UBR7: variants seen among roughly 807,000 people sequenced by gnomAD.
UBR7 encodes putative E3 ubiquitin-protein ligase UBR7.
A neutral mutation model predicts 57.0 loss-of-function variants in UBR7; 22 were observed. The ratio of observed to expected loss-of-function variants is 0.39; its 90% CI spans 0.28 to 0.55. The LOEUF is 0.55. Ranked by LOEUF, UBR7 falls within the 20% of genes least tolerant of loss-of-function variation. The probability of loss-of-function intolerance (pLI) is 0.69; values close to 1 mark genes in which losing one functional copy is unlikely to be tolerated. For missense variants in UBR7, 395 were observed against 513.2 expected (o/e 0.77, Z 2.23); for synonymous variants, 167 against 179.8 (o/e 0.93, Z 0.57).
At position 93,210,688 on chromosome 14, in the gene UBR7, T is replaced by C; in HGVS notation, c.325T>C (p.Leu109=). ...CDCGNSKFKN[L]ECKLLPDKAK... is the part of the protein sequence containing the mutation. ...TTGTGGAAACAGCAAGTTTAAAAAT[T>C]TGGAATGCAAATTACTTCCTGTAAG... The change falls in exon 3 of 11, where the codon TTG becomes CTG. Residue 109 remains leucine (L), a synonymous_variant. Transcript: ENST00000013070. 1 of 1,609,970 alleles carries C rather than the reference T, an allele frequency of 6.2e-7. No homozygotes were observed. Among genetic ancestry groups the C allele is most frequent in the South Asian group, 1.1e-5 (1 of 90,410 alleles).
At chr14:93,213,887 GTC>G (rs1432176540) in intron 4 of UBR7, among the ~76,000 whole-genome samples, 2 of 152,020 alleles carry the variant, frequency 1.3e-5, no homozygotes, top group Non-Finnish European at 2.9e-5. Context: ...CAGATTGAAA[GTC>G]TCTTTGAGTT....
Position 93,215,284 on chromosome 14 carries a change from A to G in UBR7, c.601+3A>G. The G allele has an allele frequency of 1.3e-6, 2 of 1,568,498 alleles. No individual in the cohort carries two copies. The highest frequency in any genetic ancestry group is 1.7e-6 in the Non-Finnish European group (2 of 1,155,216). On this transcript the variant is annotated splice_donor_region_variant and intron_variant, in intron 6 of 10. Coordinates refer to ENST00000013070, the MANE Select transcript of UBR7 (RefSeq NM_175748.4). ...GGCTTATGCTGCACAATTGGCAGGT[A>G]GGTATCTTTGTGAAGTTGGTGTGCC...
intron 1 of UBR7, among the ~76,000 whole-genome samples, chr14:93,208,465 TAAAAA>T (rs202105336): frequency 7.1e-6 from 1 of 141,290 alleles, no homozygotes; most frequent in Non-Finnish European, 1.6e-5. Context: ...CTGCTTTACT[TAAAAA>T]AAAAAAAAAG....
intron 9 of UBR7, among the ~76,000 whole-genome samples, chr14:93,221,899 C>T (rs1023824551): frequency 7.1e-4 from 108 of 151,962 alleles, no homozygotes; most frequent in African/African-American, 2.6e-3. Context: ...TGCAGTGAGC[C>T]GAGATCGTGC....
Position 93,222,391 on chromosome 14 carries a change from A to G in UBR7, c.1185+17A>G, listed in dbSNP as rs1847696366. 3 of 1,553,544 alleles carry G rather than the reference A, an allele frequency of 1.9e-6. No individual in the cohort carries two copies. In the South Asian group the frequency reaches 3.3e-5, roughly 17 times the overall value. Reference sequence around the variant, plus strand: ...GAAGGCACGGTATGTTGAGTTAAAGAATTCTAATCATAGCCCTGTAAGTTT... The same window carrying G: ...GAAGGCACGGTATGTTGAGTTAAAGGATTCTAATCATAGCCCTGTAAGTTT... On this transcript the variant is annotated intron_variant, in intron 10 of 10. Transcript: ENST00000013070.
At chr14:93,224,088 G>T in intron 10 of UBR7, 1 of 1,010,440 alleles carries the variant, frequency 9.9e-7, no homozygotes, top group Non-Finnish European at 1.5e-6. Context: ...TTGGGGGTGG[G>T]CAGGCAGTGA....
chr14:93,219,540 G>A (rs1218815922), intron 8 of UBR7, among the ~76,000 whole-genome samples, 179 bp downstream of exon 8: 8 of 152,150 alleles, frequency 5.3e-5, no homozygotes, highest in African/African-American at 1.4e-4. Context: ...TTTACATTAA[G>A]CAAATTTATG....
At chr14:93,208,142 TGTG>T (rs903494695) in intron 1 of UBR7, among the ~76,000 whole-genome samples, 6 of 152,128 alleles carry the variant, frequency 3.9e-5, no homozygotes, top group Non-Finnish European at 4.4e-5. Flanking sequence ...GGGGGTGTGA[TGTG>T]GTGTTTAGTG....
chr14:93,220,221 T>C (rs1298923655), intron 8 of UBR7, 28 bp from the exon 9 acceptor site: 3 of 1,537,412 alleles, frequency 2.0e-6, no homozygotes, highest in East Asian at 4.6e-5. Flanking sequence ...AACTCCTCTT[T>C]CTTTTTTTTT....
intron 6 of UBR7, among the ~76,000 whole-genome samples, chr14:93,217,486 A>AT (rs990274126): frequency 4.0e-5 from 6 of 151,782 alleles, no homozygotes; most frequent in East Asian, 1.9e-4. Flanking sequence ...TACACCCATC[A>AT]TTTTTTTTAT....
At position 93,211,948 on chromosome 14, in the gene UBR7, G is replaced by T. The variant is rs190342859; in HGVS notation, c.346-84G>T. 50 of 1,072,974 alleles carry T rather than the reference G, an allele frequency of 4.7e-5. No individual in the cohort carries two copies. The Admixed American group carries it at 7.9e-4, about 17-fold the overall frequency. 66.5% of individuals were successfully genotyped at this position (1,072,974 alleles called of 1,614,324 possible). A position where few individuals can be genotyped will look rare whatever the true frequency, so the allele number is the denominator to read the frequency against. ...CTCTTGGGGGAAATAATGTGGAAAT[G>T]TATTGAATGCATAAATTTTATAATG... On this transcript the variant is annotated intron_variant, in intron 3 of 10. Coordinates refer to ENST00000013070, the MANE Select transcript of UBR7 (RefSeq NM_175748.4).
chr14:93,212,064 CA>C lies in UBR7; in HGVS notation c.380del (p.Asn127MetfsTer26). On this transcript the variant is annotated frameshift_variant, in exon 4 of 11. Coordinates refer to ENST00000013070, the MANE Select transcript of UBR7 (RefSeq NM_175748.4). LOFTEE classifies it high-confidence loss of function. ...KAKVNSGNKY[N>X]DNFFGLYCIC... Reference sequence around the variant, plus strand: ...CAAAGGTAAATTCTGGCAATAAGTACAATGACAACTTTTTTGGATTGTACTG... The same window carrying C: ...CAAAGGTAAATTCTGGCAATAAGTACATGACAACTTTTTTGGATTGTACTG... 1 of 1,613,082 alleles carries C rather than the reference CA, an allele frequency of 6.2e-7. No individual in the cohort carries two copies. The highest frequency in any genetic ancestry group is 8.5e-7 in the Non-Finnish European group (1 of 1,179,482).
At chr14:93,217,243 T>C (rs1894609457) in intron 6 of UBR7, among the ~76,000 whole-genome samples, 1 of 152,158 alleles carries the variant, frequency 6.6e-6, no homozygotes, top group South Asian at 2.1e-4. Context: ...GCCAGGCTGG[T>C]CTCGAACTCC....
chr14:93,223,861 G>T, intron 10 of UBR7: 1 of 747,042 alleles, frequency 1.3e-6, no homozygotes, highest in South Asian at 1.4e-5. Flanking sequence ...CCCGGTACAT[G>T]TTGGGGGCGC....
chr14:93,221,863 G>A (rs1894715012), intron 9 of UBR7, among the ~76,000 whole-genome samples: 1 of 152,008 alleles, frequency 6.6e-6, no homozygotes, highest in South Asian at 2.1e-4. Flanking sequence ...CGTGCCTGTA[G>A]TCCCAGCTAC....
intron 4 of UBR7, among the ~76,000 whole-genome samples, chr14:93,213,939 T>C (rs551370066): frequency 6.6e-6 from 1 of 152,280 alleles, no homozygotes; most frequent in East Asian, 1.9e-4. Context: ...TTTTTTTCTT[T>C]TTTTTAAGAC....
At chr14:93,209,701 G>T in intron 1 of UBR7, 123 bp from the exon 2 acceptor site, 3 of 1,299,656 alleles carry the variant, frequency 2.3e-6, no homozygotes, top group Non-Finnish European at 1.1e-6. Context: ...TAGTCTTAAT[G>T]GTTTTTACAG....
chr14:93,207,589 T>C (rs2255343), intron 1 of UBR7, 148 bp downstream of exon 1: 426,749 of 1,154,956 alleles, frequency 0.37, 83,300 homozygotes, highest in South Asian at 0.47. Context: ...CACCCCAAGC[T>C]CACCCTTCCC....
At position 93,227,748 on chromosome 14, in the gene UBR7, A is replaced by G. The variant is rs533391857; in HGVS notation, c.*713A>G. ...AAGTGAAATTTTCGTTCATGATTCT[A>G]TTGGCACTAGAATTAGAATTTCAGT... is the stretch of plus-strand genomic sequence containing the variant. On this transcript the variant is annotated 3_prime_UTR_variant, in exon 11 of 11. Coordinates refer to ENST00000013070, the MANE Select transcript of UBR7 (RefSeq NM_175748.4). The G allele has an allele frequency of 2.2e-3, 1,511 of 700,798 alleles. 38 individuals carry two copies. The highest frequency in any genetic ancestry group is 0.021 in the South Asian group (1,405 of 67,504). 43.4% of individuals were successfully genotyped at this position (700,798 alleles called of 1,614,324 possible).
Sources: gnomAD v4.1 joint callset for allele counts (sites outside exome capture counted in the v4.1 genomes callset) on GRCh38, gnomAD v4.1.1 for gene constraint, MANE v1.5 for transcripts, NCBI Gene and HGNC (gene_info 2026-07-23, HGNC 2026-07-21) for gene names.